KIF21B: variants seen among roughly 807,000 people sequenced by gnomAD.
KIF21B encodes the protein kinesin family member 21B, also known as kinesin-like protein KIF21B.
Under a neutral mutation model 192.9 loss-of-function variants are expected in KIF21B, and 85 were observed. The ratio of observed to expected loss-of-function variants is 0.44; its 90% CI spans 0.37 to 0.53. The LOEUF (loss-of-function observed/expected upper bound fraction) is 0.53. Among genes scored for constraint, KIF21B ranks in the 20% least tolerant of loss-of-function variants. The pLI, the probability that KIF21B is intolerant of heterozygous loss-of-function variation, is 0.00. For synonymous variants in KIF21B, 832 were observed against 884.6 expected (o/e 0.94, Z 1.05); for missense variants, 1,716 against 2,194.8 (o/e 0.78, Z 4.36).
intron 14 of KIF21B, among the ~76,000 whole-genome samples, chr1:200,996,663 C>T (rs1289762008): frequency 1.3e-5 from 2 of 152,150 alleles, no homozygotes; most frequent in East Asian, 3.9e-4. Flanking sequence ...CCCCAACTTC[C>T]CACGAGGGTC....
rs114334594 is a variant in KIF21B at position 200,991,970 on chromosome 1, G to A, written c.2386-245C>T. ...CCCTCCAGTGAGGAGGAATCCTGGA[G>A]CGGAGGGCTCAGCCCTACTGGGGCT... On this transcript the variant is annotated intron_variant, in intron 16 of 34. Transcript: ENST00000461742. Among the ~76,000 whole-genome samples, 1,178 of 152,392 alleles carry A rather than the reference G, an allele frequency of 7.7e-3. 23 individuals are homozygous for A. The highest frequency in any genetic ancestry group is 0.027 in the African/African-American group (1,137 of 41,598).
At position 200,998,423 on chromosome 1, in the gene KIF21B, C is replaced by G; in HGVS notation, c.2038G>C (p.Asp680His). 2 of 1,614,018 alleles carry G rather than the reference C, an allele frequency of 1.2e-6. No individual in the cohort carries two copies. The highest frequency in any genetic ancestry group is 1.7e-6 in the Non-Finnish European group (2 of 1,180,028). ...ACACGGTCGCGCTCCAGCTGTGTGT[C>G]TCGGATCTTGTTCTGCAGCAGAATC... is the stretch of plus-strand genomic sequence containing the variant. The part of the protein sequence containing the change: ...KLILLQNKIR[D>H]TQLERDRVLQ... The change falls in exon 14 of 35, where the codon GAC (aspartate) becomes CAC (histidine). Residue 680 changes from aspartate to histidine, a missense_variant. By Grantham distance (81) the Asp-to-His change is moderately conservative. Around this residue, in one of 3 missense-constraint regions of KIF21B, gnomAD observed 1,087 missense variants for 1,316.6 expected, o/e 0.83. Transcript: ENST00000461742. This position sits in a 1 kb window ranked among gnomAD's most constrained non-coding sequence, Gnocchi z 4.3.
In KIF21B at chr1:200,974,886, C is replaced by G; in HGVS notation, c.4642G>C (p.Val1548Leu). 6.2e-7 allele frequency: 1 copy of G among 1,614,036 alleles called. No homozygotes were observed. Among genetic ancestry groups the G allele is most frequent in the East Asian group, 2.2e-5 (1 of 44,874 alleles). ...CCCGGGATGAAGGCCAGGGCGCACA[C>G]CCAGTCCTTGTGCGCATTGGGGATT... The part of the protein sequence containing the change: ...QQIPNAHKDW[V>L]CALAFIPGRP... The change falls in exon 34 of 35, where the codon GTG (valine) becomes CTG (leucine). Residue 1548 changes from valine to leucine, a missense_variant. Transcript: ENST00000461742.
chr1:201,009,505 G>C lies in KIF21B; in HGVS notation c.42-17C>G, dbSNP rs745619061. ...GGCCGGATCCTGCCCATGATGGAGA[G>C]AGCCCTGGGTCAGGCCCAGCTAGAA... On this transcript the variant is annotated splice_polypyrimidine_tract_variant and intron_variant, in intron 1 of 34. Coordinates refer to ENST00000461742, the MANE Select transcript of KIF21B (RefSeq NM_001252102.2). The C allele has an allele frequency of 1.9e-6, 3 of 1,610,760 alleles. No individual in the cohort carries two copies. The highest frequency in any genetic ancestry group is 2.5e-6 in the Non-Finnish European group (3 of 1,178,286).
chr1:201,002,204 G>A lies in KIF21B; in HGVS notation c.1359C>T (p.Thr453=). ...EAIDAINNRV[T]QLMSQEANLL... is the part of the protein sequence containing the mutation. ...GGTTGGCCTCCTGGCTCATGAGCTG[G>A]GTGACGCGGTTGTTGATGGCATCGA... Residue 453 remains threonine, a synonymous_variant, in exon 9 of 35, where the codon ACC becomes ACT. Coordinates refer to ENST00000461742, the MANE Select transcript of KIF21B (RefSeq NM_001252102.2). The A allele has an allele frequency of 6.2e-7, 1 of 1,614,176 alleles. No individual in the cohort carries two copies. Among genetic ancestry groups the A allele is most frequent in the Non-Finnish European group, 8.5e-7 (1 of 1,180,034 alleles).
intron 15 of KIF21B, among the ~76,000 whole-genome samples, chr1:200,992,667 G>A (rs1182780974): frequency 4.6e-5 from 7 of 152,266 alleles, no homozygotes; most frequent in Non-Finnish European, 1.0e-4. Context: ...CTTGCTGCTT[G>A]GAATGCCACA....
chr1:200,997,757 CA>C (rs779710280), intron 14 of KIF21B, among the ~76,000 whole-genome samples: 7 of 30,162 alleles, frequency 2.3e-4, no homozygotes, highest in Non-Finnish European at 3.9e-4. Context: ...TGTCTCAAAA[CA>C]AAACAAAACA....
Position 200,971,323 on chromosome 1 carries a change from A to C in KIF21B, c.*2198T>G, listed in dbSNP as rs1362427164. The C allele has an allele frequency of 6.5e-6, 1 of 152,754 alleles. No individual in the cohort carries two copies. The highest frequency in any genetic ancestry group is 1.5e-5 in the Non-Finnish European group (1 of 68,040). 9.5% of individuals were successfully genotyped at this position (152,754 alleles called of 1,614,324 possible). A position where few individuals can be genotyped will look rare whatever the true frequency, so the allele number is the denominator to read the frequency against. On this transcript the variant is annotated 3_prime_UTR_variant, in exon 35 of 35. Coordinates refer to ENST00000461742, the MANE Select transcript of KIF21B (RefSeq NM_001252102.2). ...CGCCGTGAGGTAGCTGACCCATCAG[A>C]AACAGCAGAAAATGGGCATGATGAT... is the stretch of plus-strand genomic sequence containing the variant.
intron 1 of KIF21B, among the ~76,000 whole-genome samples, chr1:201,016,450 C>A (rs1281799968): frequency 6.6e-6 from 1 of 152,198 alleles, no homozygotes; most frequent in East Asian, 1.9e-4. Context: ...GACGTCTACA[C>A]CCCCACTTTA....
At chr1:200,985,893 T>G (rs1226612030) in intron 26 of KIF21B, among the ~76,000 whole-genome samples, 1 of 149,046 alleles carries the variant, frequency 6.7e-6, no homozygotes, top group Non-Finnish European at 1.5e-5. Flanking sequence ...TCACCCAGGC[T>G]GGACTGCAAT....
chr1:201,016,281 C>G (rs1173485440), intron 1 of KIF21B, among the ~76,000 whole-genome samples: 2 of 152,230 alleles, frequency 1.3e-5, no homozygotes, highest in Non-Finnish European at 2.9e-5. Flanking sequence ...ATCCTACGGA[C>G]AGCTGCCAGC....
intron 34 of KIF21B, 33 bp downstream of exon 34, chr1:200,974,681 G>A: frequency 1.2e-6 from 2 of 1,607,836 alleles, no homozygotes; most frequent in Non-Finnish European, 8.5e-7. Flanking sequence ...GGAGATGAGG[G>A]AGCAGAGGCA....
intron 5 of KIF21B, 71 bp from the exon 6 acceptor site, chr1:201,005,004 C>A: frequency 6.6e-7 from 1 of 1,520,782 alleles, no homozygotes; most frequent in Non-Finnish European, 9.0e-7. Context: ...CACAGTACTG[C>A]CATCCGGGAG....
Position 200,975,556 on chromosome 1 carries a change from A to G in KIF21B, c.4557T>C (p.Ser1519=). 3 of 1,613,964 alleles carry G rather than the reference A, an allele frequency of 1.9e-6. No homozygotes were observed. The highest frequency in any genetic ancestry group is 2.5e-6 in the Non-Finnish European group (3 of 1,179,862). Residue 1519 remains serine (S), a synonymous_variant, in exon 33 of 35, where the codon AGT becomes AGC. Coordinates refer to ENST00000461742, the MANE Select transcript of KIF21B (RefSeq NM_001252102.2). This position sits in a 1 kb window ranked among gnomAD's most constrained non-coding sequence, Gnocchi z 4.3. ...TCTTGATGCCGTTATCTCGGGAGCCACTGAACAGGATGTCTCCCTGGATGG... is the reference window on the plus strand; with the variant it reads ...TCTTGATGCCGTTATCTCGGGAGCCGCTGAACAGGATGTCTCCCTGGATGG... The part of the protein sequence containing the change: ...CLAIQGDILF[S]GSRDNGIKKW...
At position 200,990,237 on chromosome 1, in the gene KIF21B, C is replaced by T; in HGVS notation, c.2931G>A (p.Glu977=). 6.2e-7 allele frequency: 1 copy of T among 1,614,128 alleles called. No homozygotes were observed. Among genetic ancestry groups the T allele is most frequent in the Non-Finnish European group, 8.5e-7 (1 of 1,180,022 alleles). ...ESPEEEKGLQ[E]LAEEIEVLAA... ...CCAGCACCTCGATCTCCTCAGCCAGCTCCTGCAGCCCCTTCTCTTCCTCGG... is the reference window on the plus strand; with the variant it reads ...CCAGCACCTCGATCTCCTCAGCCAGTTCCTGCAGCCCCTTCTCTTCCTCGG... Residue 977 remains glutamate (E), a synonymous_variant, in exon 20 of 35, where the codon GAG becomes GAA. Transcript: ENST00000461742. This position sits in a 1 kb window ranked among gnomAD's most constrained non-coding sequence, Gnocchi z 5.4.
In KIF21B at chr1:200,987,052, G is replaced by C; in HGVS notation, c.3558C>G (p.Pro1186=). The part of the protein sequence containing the change: ...EDGVGFSVRD[P]YYRDRVSRTV... ...TGCGCGAGACCCTGTCCCGGTAATA[G>C]GGGTCTCGGACAGAGAAGCCCACTC... is the stretch of plus-strand genomic sequence containing the variant. The change falls in exon 25 of 35, where the codon CCC becomes CCG. Residue 1186 remains proline, a synonymous_variant. Transcript: ENST00000461742. 6.2e-7 allele frequency: 1 copy of C among 1,614,070 alleles called. No individual in the cohort carries two copies. Among genetic ancestry groups the C allele is most frequent in the Non-Finnish European group, 8.5e-7 (1 of 1,180,024 alleles).
At chr1:201,006,030 C>G (rs767221820) in intron 3 of KIF21B, among the ~76,000 whole-genome samples, 2 of 152,252 alleles carry the variant, frequency 1.3e-5, no homozygotes, top group Non-Finnish European at 2.9e-5. Context: ...TGAGAAGATC[C>G]TGTCGTATTC....
At chr1:201,014,115 CT>C (rs1658373303) in intron 1 of KIF21B, among the ~76,000 whole-genome samples, 1 of 152,244 alleles carries the variant, frequency 6.6e-6, no homozygotes, top group Non-Finnish European at 1.5e-5. Flanking sequence ...GGGCCCGGAG[CT>C]TTTCAGAGTC....
At chr1:201,007,601 C>T (rs983815551) in intron 3 of KIF21B, among the ~76,000 whole-genome samples, 6 of 151,000 alleles carry the variant, frequency 4.0e-5, no homozygotes, top group African/African-American at 1.5e-4. Flanking sequence ...CACAGAGACA[C>T]ACACAGAGAT....
Sources: allele counts gnomAD v4.1 joint callset (sites outside exome capture counted in the v4.1 genomes callset), GRCh38; gene constraint gnomAD v4.1.1; regional missense constraint gnomAD v4.1.1; non-coding constraint Gnocchi (gnomAD v3.1); transcripts MANE v1.5; gene names NCBI Gene and HGNC (gene_info 2026-07-23, HGNC 2026-07-21).